The following RAMP1 variants were observed in gnomAD, a reference collection of about 807,000 sequenced individuals.
The protein encoded by RAMP1 is receptor activity modifying protein 1, also known as receptor activity-modifying protein 1.
RAMP1 carries 7 observed loss-of-function variants against 8.2 expected under a neutral mutation model. The observed-to-expected ratio is 0.85, with a 90% CI of 0.49 to 1.60. The LOEUF (loss-of-function observed/expected upper bound fraction) is 1.60, where lower values mean the gene tolerates loss of function less well. RAMP1 is among the 40% of genes most tolerant of loss of function. The pLI is 0.00. For synonymous variants in RAMP1, 92 were observed against 84.7 expected (o/e 1.09, Z -0.47); for missense variants, 192 against 202.4 (o/e 0.95, Z 0.31).
intron 2 of RAMP1, among the ~76,000 whole-genome samples, chr2:237,897,722 AAC>A (rs1284043160): frequency 6.7e-6 from 1 of 149,378 alleles, no homozygotes; most frequent in East Asian, 2.0e-4. Flanking sequence ...AAACCTCAGA[AAC>A]ACATGCTCTC....
rs1044563945 is a variant in RAMP1 at position 237,883,841 on chromosome 2, G to GA, written c.191+6491dup. On this transcript the variant is annotated intron_variant, in intron 2 of 2. Transcript: ENST00000254661. ...CAAAAAAAAAAAAAAGAAAAGAAAAGAAAAAAAAAAAAGAGGCTCCTCCTC... is the reference window on the plus strand; with the variant it reads ...CAAAAAAAAAAAAAAGAAAAGAAAAGAAAAAAAAAAAAAGAGGCTCCTCCTC... 4.4e-3 allele frequency among the ~76,000 whole-genome samples: 380 copies of GA among 86,784 alleles called. 5 individuals carry two copies. The highest frequency in any genetic ancestry group is 0.012 in the African/African-American group (270 of 22,650). 56.9% of individuals were successfully genotyped at this position (86,784 alleles called of 152,430 possible).
At position 237,877,174 on chromosome 2, in the gene RAMP1, C is replaced by G. The variant is rs779807147; in HGVS notation, c.53-50C>G. On this transcript the variant is annotated intron_variant, in intron 1 of 2. Transcript: ENST00000254661. The surrounding 1 kb of genome is among the most constrained non-coding windows in gnomAD (Gnocchi z 4.4). ...GGCGCGCGGGCTGGCGGTGATACCC[C>G]TAGGCCTCTGCTGCCGCCCGCCATC... 6.2e-7 allele frequency: 1 copy of G among 1,610,938 alleles called. No individual in the cohort carries two copies. The highest frequency in any genetic ancestry group is 1.7e-5 in the Admixed American group (1 of 60,004).
chr2:237,886,911 T>G (rs74002604), intron 2 of RAMP1, among the ~76,000 whole-genome samples: 9,197 of 152,174 alleles, frequency 0.06, 925 homozygotes, highest in African/African-American at 0.21. Context: ...TCGTCGTAGC[T>G]CAGCATCCAC....
rs1316977692 is a variant in RAMP1 at position 237,894,593 on chromosome 2, A to AG, written c.192-16930dup. On this transcript the variant is annotated intron_variant, in intron 2 of 2. Coordinates refer to ENST00000254661, the MANE Select transcript of RAMP1 (RefSeq NM_005855.4). ...TCCCCCGCCCCAGATGGACCTGGCTAGGGGGTGAGACCCCCCTGCCACCCC... is the reference window on the plus strand; with the variant it reads ...TCCCCCGCCCCAGATGGACCTGGCTAGGGGGGTGAGACCCCCCTGCCACCCC... 5.3e-5 allele frequency among the ~76,000 whole-genome samples: 8 copies of AG among 152,308 alleles called. No individual in the cohort carries two copies. In the South Asian group the frequency reaches 6.2e-4, roughly 12 times the overall value.
At chr2:237,873,614 G>A (rs965486609) in intron 1 of RAMP1, among the ~76,000 whole-genome samples, 3 of 152,194 alleles carry the variant, frequency 2.0e-5, no homozygotes, top group South Asian at 4.1e-4. Context: ...TTAACACGCC[G>A]AGGGCTGAGT....
intron 1 of RAMP1, among the ~76,000 whole-genome samples, chr2:237,864,814 G>A (rs917943286): frequency 2.6e-5 from 4 of 152,352 alleles, no homozygotes; most frequent in South Asian, 4.1e-4. Context: ...AGGAGACCAC[G>A]GAGCACAGCC....
chr2:237,875,034 G>A (rs1353158940), intron 1 of RAMP1, among the ~76,000 whole-genome samples: 5 of 152,136 alleles, frequency 3.3e-5, no homozygotes, highest in Non-Finnish European at 7.4e-5. Flanking sequence ...TAAACAGAGG[G>A]ACGATTCTCC....
intron 2 of RAMP1, among the ~76,000 whole-genome samples, chr2:237,890,684 A>G (rs2062479264): frequency 1.3e-5 from 2 of 152,162 alleles, no homozygotes; most frequent in South Asian, 2.1e-4. Flanking sequence ...TATTTGGTCT[A>G]TGTCCTTCAG....
intron 2 of RAMP1, among the ~76,000 whole-genome samples, chr2:237,910,500 G>C (rs1328757228): frequency 6.6e-6 from 1 of 150,472 alleles, no homozygotes; most frequent in Non-Finnish European, 1.5e-5. Flanking sequence ...GTCACACACA[G>C]AATAACACAA....
intron 2 of RAMP1, among the ~76,000 whole-genome samples, chr2:237,910,902 A>C (rs571242506): frequency 6.6e-6 from 1 of 151,986 alleles, no homozygotes; most frequent in East Asian, 1.9e-4. Flanking sequence ...CACACACAGA[A>C]TAACACAGTC....
At chr2:237,891,189 A>C (rs1484351320) in intron 2 of RAMP1, among the ~76,000 whole-genome samples, 1 of 76,746 alleles carries the variant, frequency 1.3e-5, no homozygotes, top group Non-Finnish European at 2.5e-5. Context: ...TCACTCTGTC[A>C]CCCAGAGTGA....
intron 2 of RAMP1, among the ~76,000 whole-genome samples, chr2:237,890,294 TG>T (rs2062475782): frequency 6.6e-6 from 1 of 151,884 alleles, no homozygotes; most frequent in Admixed American, 6.6e-5. Context: ...CTCCACCTCC[TG>T]GGTTCAAGTG....
chr2:237,891,371 C>T (rs2062487208), intron 2 of RAMP1, among the ~76,000 whole-genome samples: 1 of 152,112 alleles, frequency 6.6e-6, no homozygotes, highest in South Asian at 2.1e-4. Flanking sequence ...AGGATGGTCT[C>T]GATCTCCTGA....
intron 1 of RAMP1, among the ~76,000 whole-genome samples, chr2:237,866,379 T>C (rs2062187204): frequency 6.6e-6 from 1 of 152,198 alleles, no homozygotes; most frequent in Non-Finnish European, 1.5e-5. Context: ...TGCTTCCTGC[T>C]TGGTTCTTCA....
intron 1 of RAMP1, among the ~76,000 whole-genome samples, chr2:237,863,047 C>T (rs1331931502): frequency 2.6e-5 from 4 of 152,208 alleles, no homozygotes; most frequent in African/African-American, 9.7e-5. Context: ...CTGTCCCTTG[C>T]AGGGACGGCA....
At chr2:237,883,361 A>G (rs11898345) in intron 2 of RAMP1, among the ~76,000 whole-genome samples, 66,574 of 152,082 alleles carry the variant, frequency 0.44, 17,347 homozygotes, top group African/African-American at 0.74. Context: ...CCAGCCTTTT[A>G]TGGGATACAC....
chr2:237,862,093 G>A lies in RAMP1; in HGVS notation c.52+2366G>A, dbSNP rs1296312537. Among the ~76,000 whole-genome samples, 3 of 152,092 alleles carry A rather than the reference G, an allele frequency of 2.0e-5. No individual in the cohort carries two copies. The highest frequency in any genetic ancestry group is 6.5e-5 in the Admixed American group (1 of 15,268). The stretch of plus-strand genomic sequence containing the variant: ...AACTCAGTCACCTGTCCTAGGAAAC[G>A]CATGCCTTCCTTGGCTGTCACGTGG... On this transcript the variant is annotated intron_variant, in intron 1 of 2. Transcript: ENST00000254661. The surrounding 1 kb of genome is among the most constrained non-coding windows in gnomAD (Gnocchi z 4.0).
Position 237,862,533 on chromosome 2 carries a change from AT to A in RAMP1, c.52+2813del, listed in dbSNP as rs531428662. Among the ~76,000 whole-genome samples, 7 of 152,240 alleles carry A rather than the reference AT, an allele frequency of 4.6e-5. No homozygotes were observed. The East Asian group carries it at 1.3e-3, about 29-fold the overall frequency. ...AGGCTAGTTGGAAAAGTCTGTCCTG[AT>A]TTTTTTCCCCAGAATGCGCCCATTT... On this transcript the variant is annotated intron_variant, in intron 1 of 2. Transcript: ENST00000254661. This position sits in a 1 kb window ranked among gnomAD's most constrained non-coding sequence, Gnocchi z 4.0.
At chr2:237,867,953 A>T (rs1046402562) in intron 1 of RAMP1, among the ~76,000 whole-genome samples, 1 of 151,998 alleles carries the variant, frequency 6.6e-6, no homozygotes, top group Non-Finnish European at 1.5e-5. Flanking sequence ...TCACCTGCAA[A>T]ACCACCGGGG....
Sources: gnomAD v4.1 joint callset for allele counts (sites outside exome capture counted in the v4.1 genomes callset) on GRCh38, gnomAD v4.1.1 for gene constraint, Gnocchi (gnomAD v3.1) non-coding constraint, MANE v1.5 for transcripts, NCBI Gene and HGNC (gene_info 2026-07-23, HGNC 2026-07-21) for gene names.